Variants in CTPS1 observed in about 807,000 individuals in gnomAD.
CTPS1 encodes CTP synthetase 1.
A neutral mutation model predicts 80.5 loss-of-function variants in CTPS1; 25 were observed. That is an observed-to-expected ratio of 0.31 (90% CI 0.23 to 0.43). The LOEUF (loss-of-function observed/expected upper bound fraction) is 0.43, where lower values mean the gene tolerates loss of function less well. Ranked by LOEUF, CTPS1 falls within the 20% of genes least tolerant of loss-of-function variation. The pLI is 1.00. For missense variants in CTPS1, 442 were observed against 725.7 expected (o/e 0.61, Z 4.49); for synonymous variants, 267 against 252.5 (o/e 1.06, Z -0.54).
In CTPS1 at chr1:41,001,076, C is replaced by T. The variant is rs746923692; in HGVS notation, c.1053C>T (p.Pro351=). The change falls in exon 10 of 19, where the codon CCC becomes CCT. Residue 351 remains proline (P), a synonymous_variant. Transcript: ENST00000650070. ...DLEPITSQEE[P]VRYHEAWQKL... Reference sequence around the variant, plus strand: ...AGCCCATCACCTCGCAAGAAGAGCCCGTGCGCTACCACGAAGCTTGGCAGA... The same window carrying T: ...AGCCCATCACCTCGCAAGAAGAGCCTGTGCGCTACCACGAAGCTTGGCAGA... 1.7e-5 allele frequency: 28 copies of T among 1,612,470 alleles called. No homozygotes were observed. Among genetic ancestry groups the T allele is most frequent in the East Asian group, 1.1e-4 (5 of 44,822 alleles).
intron 4 of CTPS1, among the ~76,000 whole-genome samples, 167 bp downstream of exon 4, chr1:40,987,639 G>A (rs891506509): frequency 1.3e-5 from 2 of 152,152 alleles, no homozygotes; most frequent in African/African-American, 4.8e-5. Context: ...GAATGGCCAC[G>A]CAAGGGAAAA....
intron 7 of CTPS1, among the ~76,000 whole-genome samples, chr1:40,992,943 C>T (rs2148400048): frequency 6.6e-6 from 1 of 152,236 alleles, no homozygotes; most frequent in East Asian, 1.9e-4. Context: ...ATCCACCTGC[C>T]TCAGCCTCCC....
chr1:40,992,416 C>A, intron 7 of CTPS1, among the ~76,000 whole-genome samples: 1 of 152,092 alleles, frequency 6.6e-6, no homozygotes, highest in East Asian at 1.9e-4. Context: ...GGGCAAGGGC[C>A]ACCTCATTCA....
In CTPS1 at chr1:41,002,373, G is replaced by T. The variant is rs533718148; in HGVS notation, c.1189+119G>T. 5.1e-6 allele frequency: 4 copies of T among 791,316 alleles called. No individual in the cohort carries two copies. In the South Asian group the frequency reaches 6.1e-5, roughly 12 times the overall value. The allele number at this position is 791,316 out of a possible 1,614,324, so 49.0% of individuals were successfully genotyped here. A position where few individuals can be genotyped will look rare whatever the true frequency, so the allele number is the denominator to read the frequency against. ...TGAAACATGCTGTCTTTGTGGATAG[G>T]AGCTCAAGTAGAAGCCTTCATGTTT... On this transcript the variant is annotated intron_variant, in intron 11 of 18. Transcript: ENST00000650070.
At chr1:40,985,031 CA>C in intron 3 of CTPS1, 40 bp downstream of exon 3, 2 of 1,428,604 alleles carry the variant, frequency 1.4e-6, no homozygotes, top group Non-Finnish European at 1.9e-6. Context: ...AAGTCTTAAC[CA>C]GTTTAATTTC....
intron 12 of CTPS1, among the ~76,000 whole-genome samples, chr1:41,004,552 T>C (rs1046096190): frequency 1.3e-5 from 2 of 152,326 alleles, no homozygotes; most frequent in East Asian, 3.9e-4. Context: ...TACACTTCAG[T>C]TGAGACTGGA....
At chr1:41,004,667 A>G (rs1292812142) in intron 12 of CTPS1, among the ~76,000 whole-genome samples, 1 of 152,210 alleles carries the variant, frequency 6.6e-6, no homozygotes, top group East Asian at 1.9e-4. Context: ...GTTAGACGGT[A>G]AGTTCAATGA....
chr1:41,000,627 T>C (rs1558157915), intron 9 of CTPS1, among the ~76,000 whole-genome samples: 2 of 152,082 alleles, frequency 1.3e-5, no homozygotes, highest in African/African-American at 2.4e-5. Context: ...TTTTATTGTA[T>C]GTGAATTATG....
intron 9 of CTPS1, among the ~76,000 whole-genome samples, chr1:40,998,174 A>G (rs150357995): frequency 1.3e-5 from 2 of 152,220 alleles, no homozygotes; most frequent in Non-Finnish European, 2.9e-5. Flanking sequence ...CGAGGTGGGC[A>G]GATCACGAGG....
At chr1:40,985,601 T>C (rs1642431782) in intron 3 of CTPS1, among the ~76,000 whole-genome samples, 1 of 152,102 alleles carries the variant, frequency 6.6e-6, no homozygotes, top group Non-Finnish European at 1.5e-5. Flanking sequence ...TGATCTAGTA[T>C]AATGGCAGTG....
chr1:41,007,466 A>T lies in CTPS1; in HGVS notation c.1314A>T (p.Glu438Asp). The T allele has an allele frequency of 6.2e-7, 1 of 1,614,124 alleles. No homozygotes were observed. The highest frequency in any genetic ancestry group is 8.5e-7 in the Non-Finnish European group (1 of 1,180,026). ...ATCTCCAGGTCGTAGACATGCCAGA[A>T]CACAACCCAGGGCAGATGGGCGGAA... ...TSHPVVVDMP[E>D]HNPGQMGGTM... Residue 438 changes from glutamate (E) to aspartate (D), a missense_variant, in exon 14 of 19, where the codon GAA (glutamate) becomes GAT (aspartate). Physicochemically the swap from Glu to Asp is conservative, Grantham distance 45. Coordinates refer to ENST00000650070, the MANE Select transcript of CTPS1 (RefSeq NM_001905.4). The surrounding 1 kb of genome is among the most constrained non-coding windows in gnomAD (Gnocchi z 4.4).
intron 4 of CTPS1, among the ~76,000 whole-genome samples, chr1:40,987,860 T>G (rs1012347272): frequency 3.3e-5 from 5 of 152,208 alleles, no homozygotes; most frequent in Admixed American, 2.0e-4. Flanking sequence ...AGCTGTTGGA[T>G]CTCAGTGTTC....
chr1:40,996,234 G>A (rs1235161185), intron 8 of CTPS1, 166 bp downstream of exon 8: 16 of 744,296 alleles, frequency 2.1e-5, no homozygotes, highest in Non-Finnish European at 3.0e-5. Flanking sequence ...TAGCTGTCAC[G>A]TAGCTGTGGC....
intron 16 of CTPS1, 79 bp from the exon 17 acceptor site, chr1:41,009,366 C>T (rs1643112437): frequency 7.2e-7 from 1 of 1,393,304 alleles, no homozygotes; most frequent in Non-Finnish European, 9.7e-7. Context: ...TGGAAACAAA[C>T]ATTTAAGCAG....
At chr1:41,010,095 A>T in intron 17 of CTPS1, 66 bp from the exon 18 acceptor site, 1 of 1,106,430 alleles carries the variant, frequency 9.0e-7, no homozygotes, top group Non-Finnish European at 1.4e-6. Context: ...AACCGTGGTT[A>T]CAAAAACAGG....
chr1:40,981,852 T>G lies in CTPS1; in HGVS notation c.-13-1426T>G, dbSNP rs1279102968. The G allele has an allele frequency of 1.1e-5, 5 of 443,504 alleles. No individual in the cohort carries two copies. In the East Asian group the frequency reaches 4.3e-4, roughly 38 times the overall value. The allele number at this position is 443,504 out of a possible 1,614,324, so 27.5% of individuals were successfully genotyped here. On this transcript the variant is annotated intron_variant, in intron 1 of 18. Coordinates refer to ENST00000650070, the MANE Select transcript of CTPS1 (RefSeq NM_001905.4). ...ATTCTTCCTTCCCTGCCAAGTGTGTTCTTTCTTGCTCTGGGGAGGGGGTGG... is the reference window on the plus strand; with the variant it reads ...ATTCTTCCTTCCCTGCCAAGTGTGTGCTTTCTTGCTCTGGGGAGGGGGTGG...
chr1:41,001,748 A>C (rs1283102924), intron 10 of CTPS1, among the ~76,000 whole-genome samples: 2 of 152,136 alleles, frequency 1.3e-5, no homozygotes, highest in Admixed American at 1.3e-4. Context: ...TGTTTCTACA[A>C]CAAAAACAAC....
At chr1:41,001,906 A>C (rs1333946848) in intron 10 of CTPS1, among the ~76,000 whole-genome samples, 1 of 152,266 alleles carries the variant, frequency 6.6e-6, no homozygotes, top group Non-Finnish European at 1.5e-5. Flanking sequence ...AAGATAGTGC[A>C]GTGGCAGTAT....
chr1:40,981,592 T>TA (rs759140264), intron 1 of CTPS1, among the ~76,000 whole-genome samples: 32 of 152,196 alleles, frequency 2.1e-4, no homozygotes, highest in Middle Eastern at 6.3e-3. Flanking sequence ...TAGGGTCAGA[T>TA]AAGCTTGGAG....
Sources: gnomAD v4.1 joint callset for allele counts (sites outside exome capture counted in the v4.1 genomes callset) on GRCh38, gnomAD v4.1.1 for gene constraint, Gnocchi (gnomAD v3.1) non-coding constraint, MANE v1.5 for transcripts, NCBI Gene and HGNC (gene_info 2026-07-23, HGNC 2026-07-21) for gene names.